APC: variants seen among roughly 807,000 people sequenced by gnomAD.
APC encodes the protein APC regulator of Wnt signaling pathway.
In APC, 72 loss-of-function variants were observed where a neutral mutation model predicts 247.0. That is an observed-to-expected ratio of 0.29 (90% CI 0.24 to 0.35). The LOEUF (loss-of-function observed/expected upper bound fraction) is 0.35, where lower values mean the gene tolerates loss of function less well. APC is among the 10% of genes least tolerant of loss of function. The pLI is 1.00. For missense variants in APC, 3,400 were observed against 3,360.7 expected (o/e 1.01, Z -0.29); for synonymous variants, 1,254 against 1,162.5 (o/e 1.08, Z -1.60).
rs1249125697 is a variant in APC, at chr5:112,819,116, G to A, written c.1084G>A (p.Gly362Ser). ...TCCTCTCCTCATCCAGCTTTTACAT[G>A]GCAATGACAAAGACTCTGTATTGTT... ...CLPLLIQLLH[G>S]NDKDSVLLGN... The change falls in exon 10 of 16, where the codon GGC becomes AGC. Residue 362 changes from glycine to serine, a missense_variant. Physicochemically the swap from Gly to Ser is moderately conservative, Grantham distance 56. Coordinates refer to ENST00000257430, the MANE Select transcript of APC (RefSeq NM_000038.6). 1 of 1,613,916 alleles carries A rather than the reference G, an allele frequency of 6.2e-7. No individual in the cohort carries two copies. Among genetic ancestry groups the A allele is most frequent in the East Asian group, 2.2e-5 (1 of 44,872 alleles).
At chr5:112,718,609 C>A (rs1257310263) in intron 1 of APC, among the ~76,000 whole-genome samples, 2 of 152,230 alleles carry the variant, frequency 1.3e-5, no homozygotes, top group Admixed American at 6.5e-5. Context: ...GGCAAACTCA[C>A]AAAAGGCAAA....
At chr5:112,779,188 G>A (rs749840975) in intron 5 of APC, among the ~76,000 whole-genome samples, 17 of 152,192 alleles carry the variant, frequency 1.1e-4, no homozygotes, top group Non-Finnish European at 2.2e-4. Context: ...GTTATTGTTA[G>A]CCTGTGAGGA....
intron 6 of APC, among the ~76,000 whole-genome samples, chr5:112,791,478 T>G (rs1336646687): frequency 2.6e-5 from 4 of 152,166 alleles, no homozygotes; most frequent in African/African-American, 9.7e-5. Flanking sequence ...CATCAGTGGC[T>G]GCATTAGGAG....
chr5:112,839,149 A>G lies in APC; in HGVS notation c.3555A>G (p.Thr1185=), dbSNP rs786201125. Residue 1185 remains threonine (T), a synonymous_variant, in exon 16 of 16, where the codon ACA becomes ACG. Transcript: ENST00000257430. The surrounding 1 kb of genome is among the most constrained non-coding windows in gnomAD (Gnocchi z 5.0). ...TTGATTATAGTTTAAAATATGCCACAGATATTCCTTCATCACAGAAACAGT... is the reference window on the plus strand; with the variant it reads ...TTGATTATAGTTTAAAATATGCCACGGATATTCCTTCATCACAGAAACAGT... The part of the protein sequence containing the change: ...QPIDYSLKYA[T]DIPSSQKQSF... The G allele has an allele frequency of 1.9e-5, 30 of 1,614,026 alleles. No homozygotes were observed. Among genetic ancestry groups the G allele is most frequent in the Non-Finnish European group, 2.5e-5 (30 of 1,180,054 alleles).
At chr5:112,813,229 A>G (rs1387906463) in intron 8 of APC, among the ~76,000 whole-genome samples, 2 of 152,210 alleles carry the variant, frequency 1.3e-5, no homozygotes, top group East Asian at 1.9e-4. Flanking sequence ...GTACAGTTGA[A>G]TGAGTTTTGA....
intron 4 of APC, among the ~76,000 whole-genome samples, chr5:112,767,902 TA>T (rs1756541464): frequency 6.6e-6 from 1 of 152,198 alleles, no homozygotes; most frequent in Admixed American, 6.5e-5. Context: ...ATAATTATTA[TA>T]TTTATACGTA....
At chr5:112,748,279 G>A (rs182499056) in intron 1 of APC, among the ~76,000 whole-genome samples, 1 of 152,162 alleles carries the variant, frequency 6.6e-6, no homozygotes, top group African/African-American at 2.4e-5. Context: ...GCCTTAGTAG[G>A]GAAGAGAAAG....
Position 112,820,182 on chromosome 5 carries a change from G to GACACAC in APC, c.1312+867_1312+872dup, listed in dbSNP as rs111788809. The stretch of plus-strand genomic sequence containing the variant: ...ACCTTCCTTTCACCTGATAAGAACT[G>GACACAC]ACACACACACACACACACACACACA... On this transcript the variant is annotated intron_variant, in intron 10 of 15. Transcript: ENST00000257430. Among the ~76,000 whole-genome samples the GACACAC allele has an allele frequency of 2.4e-3, 351 of 143,400 alleles. 1 individual carries two copies. The highest frequency in any genetic ancestry group is 6.6e-3 in the African/African-American group (262 of 39,844). The allele number at this position is 143,400 out of a possible 152,430, so 94.1% of individuals were successfully genotyped here. A position where few individuals can be genotyped will look rare whatever the true frequency, so the allele number is the denominator to read the frequency against.
chr5:112,781,405 A>G lies in APC; in HGVS notation c.645+502A>G, dbSNP rs554685318. On this transcript the variant is annotated intron_variant, in intron 6 of 15. Coordinates refer to ENST00000257430, the MANE Select transcript of APC (RefSeq NM_000038.6). ...AGAAAGAGTATTAGCTAGCTTTGCT[A>G]TTAAGTATTTTTATATATTATTGAA... 5.3e-5 allele frequency among the ~76,000 whole-genome samples: 8 copies of G among 152,340 alleles called. No homozygotes were observed. The South Asian group carries it at 1.7e-3, about 32-fold the overall frequency.
Position 112,839,095 on chromosome 5 carries a change from T to C in APC, c.3501T>C (p.Asn1167=), listed in dbSNP as rs1561585194. The C allele has an allele frequency of 2.5e-6, 4 of 1,614,098 alleles. No individual in the cohort carries two copies. Among genetic ancestry groups the C allele is most frequent in the Non-Finnish European group, 3.4e-6 (4 of 1,180,008 alleles). Residue 1167 remains asparagine (N), a synonymous_variant, in exon 16 of 16, where the codon AAT becomes AAC. Coordinates refer to ENST00000257430, the MANE Select transcript of APC (RefSeq NM_000038.6). The surrounding 1 kb of genome is among the most constrained non-coding windows in gnomAD (Gnocchi z 5.0). The stretch of plus-strand genomic sequence containing the variant: ...CAACAAATTATAGCATAAAATATAA[T>C]GAAGAGAAACGTCATGTGGATCAGC... ...ERPTNYSIKY[N]EEKRHVDQPI...
intron 11 of APC, among the ~76,000 whole-genome samples, chr5:112,825,663 G>A (rs1763580559): frequency 6.6e-6 from 1 of 152,122 alleles, no homozygotes; most frequent in Non-Finnish European, 1.5e-5. Flanking sequence ...ACCAGCTCGG[G>A]CAACATAGTG....
intron 1 of APC, among the ~76,000 whole-genome samples, chr5:112,732,272 A>G (rs1388626448): frequency 1.3e-5 from 2 of 152,204 alleles, no homozygotes; most frequent in South Asian, 2.1e-4. Flanking sequence ...CGAGAGCAGA[A>G]TCTAAAGGAG....
Position 112,844,160 on chromosome 5 carries a change from G to A in APC, c.*34G>A, listed in dbSNP as rs780912882. Reference sequence around the variant, plus strand: ...AAGAATGAAACTAAGAAAATTCTATGTTAATTACAACTGCTATATAGACAT... The same window carrying A: ...AAGAATGAAACTAAGAAAATTCTATATTAATTACAACTGCTATATAGACAT... On this transcript the variant is annotated 3_prime_UTR_variant, in exon 16 of 16. Transcript: ENST00000257430. 6.4e-7 allele frequency: 1 copy of A among 1,567,106 alleles called. No individual in the cohort carries two copies. Among genetic ancestry groups the A allele is most frequent in the Non-Finnish European group, 8.8e-7 (1 of 1,139,346 alleles).
intron 2 of APC, among the ~76,000 whole-genome samples, chr5:112,759,036 C>T (rs1253620533): frequency 3.3e-5 from 5 of 152,268 alleles, no homozygotes; most frequent in Middle Eastern, 3.4e-3. Context: ...GAAGCATTTA[C>T]ATCTTTGTTG....
At chr5:112,710,185 A>T (rs1441198547) in intron 1 of APC, among the ~76,000 whole-genome samples, 1 of 152,090 alleles carries the variant, frequency 6.6e-6, no homozygotes, top group East Asian at 1.9e-4. Context: ...TGACCCCTGA[A>T]ATTCTGAGGG....
intron 7 of APC, among the ~76,000 whole-genome samples, chr5:112,795,719 C>G (rs1413672846): frequency 6.6e-6 from 1 of 152,194 alleles, no homozygotes; most frequent in Non-Finnish European, 1.5e-5. Context: ...AATAAAGACA[C>G]TTTTAGATAG....
chr5:112,745,511 T>C (rs761801851), intron 1 of APC, among the ~76,000 whole-genome samples: 17 of 151,694 alleles, frequency 1.1e-4, no homozygotes, highest in Non-Finnish European at 1.9e-4. Flanking sequence ...AAGTGAATGT[T>C]TAAGTAAAGT....
intron 7 of APC, among the ~76,000 whole-genome samples, chr5:112,794,617 G>A (rs536974112): frequency 5.9e-5 from 9 of 152,042 alleles, no homozygotes; most frequent in South Asian, 2.1e-4. Flanking sequence ...ATTCCACCCC[G>A]TGTGCGTGTG....
Position 112,843,714 on chromosome 5 carries a change from G to T in APC, c.8120G>T (p.Gly2707Val), listed in dbSNP as rs1766651129. 6.2e-7 allele frequency: 1 copy of T among 1,614,106 alleles called. No homozygotes were observed. The highest frequency in any genetic ancestry group is 8.5e-7 in the Non-Finnish European group (1 of 1,179,960). The change falls in exon 16 of 16, where the codon GGT (glycine) becomes GTT (valine). Residue 2707 changes from glycine to valine, a missense_variant. Gly to Val is a moderately radical substitution (Grantham distance 109). Around this residue, in one of 9 missense-constraint regions of APC, gnomAD observed 1,788 missense variants for 1,649.5 expected, o/e 1.08. Transcript: ENST00000257430. This position sits in a 1 kb window ranked among gnomAD's most constrained non-coding sequence, Gnocchi z 4.8. ...GATAATCAGGCAAAACAAAATGTGG[G>T]TAATGGCAGTGTTCCCATGCGTACC... The part of the protein sequence containing the change: ...SKDNQAKQNV[G>V]NGSVPMRTVG...
Sources: allele counts gnomAD v4.1 joint callset (sites outside exome capture counted in the v4.1 genomes callset), GRCh38; gene constraint gnomAD v4.1.1; regional missense constraint gnomAD v4.1.1; non-coding constraint Gnocchi (gnomAD v3.1); transcripts MANE v1.5; gene names NCBI Gene and HGNC (gene_info 2026-07-23, HGNC 2026-07-21).